Variants in NALF1 observed in about 807,000 individuals in gnomAD.
The protein encoded by NALF1 is NALCN channel auxiliary factor 1, also known as family with sequence similarity 155 member A.
In NALF1, 3 loss-of-function variants were observed where a neutral mutation model predicts 48.4. That is an observed-to-expected ratio of 0.06 (90% CI 0.03 to 0.16). The LOEUF is 0.16. Ranked by LOEUF, NALF1 falls within the 10% of genes least tolerant of loss-of-function variation. The pLI is 1.00. For missense variants in NALF1, 526 were observed against 571.5 expected (o/e 0.92, Z 0.81); for synonymous variants, 262 against 245.7 (o/e 1.07, Z -0.62).
chr13:107,558,015 G>A (rs987338597), intron 1 of NALF1, among the ~76,000 whole-genome samples: 2 of 152,070 alleles, frequency 1.3e-5, no homozygotes, highest in Non-Finnish European at 2.9e-5. Context: ...GGCATTCAGA[G>A]AGACTGAGCA....
intron 1 of NALF1, among the ~76,000 whole-genome samples, chr13:107,402,635 G>A (rs1293326406): frequency 1.3e-5 from 2 of 152,098 alleles, no homozygotes; most frequent in African/African-American, 4.8e-5. Context: ...GAGGTATTCT[G>A]CATCATTAAA....
chr13:107,365,882 C>T (rs918757734), intron 1 of NALF1, among the ~76,000 whole-genome samples: 78 of 152,320 alleles, frequency 5.1e-4, no homozygotes, highest in African/African-American at 1.8e-3. Flanking sequence ...CCACAGACTG[C>T]TTGCCTACAT....
At chr13:107,238,008 A>G (rs974424629) in intron 1 of NALF1, among the ~76,000 whole-genome samples, 7 of 152,184 alleles carry the variant, frequency 4.6e-5, no homozygotes, top group African/African-American at 1.4e-4. Context: ...AAAATCTCCC[A>G]TAAGGGACAC....
chr13:107,727,105 T>C (rs1876180084), intron 1 of NALF1, among the ~76,000 whole-genome samples: 2 of 151,970 alleles, frequency 1.3e-5, no homozygotes, highest in African/African-American at 2.4e-5. Context: ...CCTTCAATGA[T>C]ACAAGAGACT....
At chr13:107,710,641 C>A (rs1168638174) in intron 1 of NALF1, among the ~76,000 whole-genome samples, 1 of 149,368 alleles carries the variant, frequency 6.7e-6, no homozygotes, top group Non-Finnish European at 1.5e-5. Flanking sequence ...TGAGAACTCA[C>A]TATCGCAAGA....
At chr13:107,237,941 G>A (rs1880387649) in intron 1 of NALF1, among the ~76,000 whole-genome samples, 1 of 152,100 alleles carries the variant, frequency 6.6e-6, no homozygotes, top group African/African-American at 2.4e-5. Context: ...TACACATCCT[G>A]GAGCCATTAA....
rs80145465 is a variant in NALF1, at chr13:107,714,274, G to A, written c.915+151408C>T. ...ATGCTTAGAATTCACAAGCTGCAGC[G>A]CTGCTGTCCTTCAGATCACTTGTTG... On this transcript the variant is annotated intron_variant, in intron 1 of 2. Transcript: ENST00000375915. 5.1e-3 allele frequency among the ~76,000 whole-genome samples: 770 copies of A among 152,238 alleles called. 7 individuals carry two copies. The highest frequency in any genetic ancestry group is 0.017 in the African/African-American group (727 of 41,550).
chr13:107,229,499 T>C (rs2138823315), intron 1 of NALF1, among the ~76,000 whole-genome samples: 1 of 152,322 alleles, frequency 6.6e-6, no homozygotes, highest in Admixed American at 6.5e-5. Context: ...ACTGTTATTA[T>C]GCATCAGGGG....
chr13:107,209,244 G>A (rs552697609), intron 2 of NALF1, among the ~76,000 whole-genome samples: 2 of 152,290 alleles, frequency 1.3e-5, no homozygotes, highest in South Asian at 4.1e-4. Context: ...AGTGGCTCAC[G>A]CCTGTAATTC....
chr13:107,520,015 G>A (rs1876184716), intron 1 of NALF1, among the ~76,000 whole-genome samples: 1 of 152,138 alleles, frequency 6.6e-6, no homozygotes, highest in Non-Finnish European at 1.5e-5. Context: ...AATGAATGCT[G>A]TAAGGATTAA....
intron 1 of NALF1, among the ~76,000 whole-genome samples, chr13:107,372,339 A>G (rs919865630): frequency 1.3e-5 from 2 of 152,236 alleles, no homozygotes; most frequent in Non-Finnish European, 2.9e-5. Flanking sequence ...CCATGCCTCT[A>G]TTGCAACAAT....
intron 1 of NALF1, among the ~76,000 whole-genome samples, chr13:107,751,038 A>G (rs1876923935): frequency 6.6e-6 from 1 of 152,254 alleles, no homozygotes; most frequent in African/African-American, 2.4e-5. Flanking sequence ...ATCTCTTTCA[A>G]CTACAAAATG....
chr13:107,693,347 A>G (rs563926699), intron 1 of NALF1, among the ~76,000 whole-genome samples: 459 of 149,248 alleles, frequency 3.1e-3, no homozygotes, highest in African/African-American at 9.9e-3. Context: ...CGGGAGGGAT[A>G]GCATTAGGAG....
At chr13:107,540,735 C>T (rs1876975999) in intron 1 of NALF1, among the ~76,000 whole-genome samples, 1 of 152,076 alleles carries the variant, frequency 6.6e-6, no homozygotes, top group African/African-American at 2.4e-5. Flanking sequence ...TTCCAAACTC[C>T]TGCCAGCACA....
intron 1 of NALF1, among the ~76,000 whole-genome samples, chr13:107,796,826 T>C (rs1475708501): frequency 1.3e-5 from 2 of 152,172 alleles, no homozygotes; most frequent in Non-Finnish European, 2.9e-5. Context: ...ACGACACCCC[T>C]CTAATTACAG....
chr13:107,347,543 A>C (rs1882796796), intron 1 of NALF1, among the ~76,000 whole-genome samples: 1 of 152,224 alleles, frequency 6.6e-6, no homozygotes, highest in South Asian at 2.1e-4. Context: ...AGTCTATTTT[A>C]AAATTCCATC....
chr13:107,706,889 T>C (rs990253058), intron 1 of NALF1, among the ~76,000 whole-genome samples: 3 of 152,064 alleles, frequency 2.0e-5, no homozygotes, highest in Admixed American at 2.0e-4. Context: ...GAGAGGGTTA[T>C]GTCCGCCAGT....
intron 1 of NALF1, among the ~76,000 whole-genome samples, chr13:107,222,244 C>T (rs920952493): frequency 7.2e-5 from 11 of 152,194 alleles, no homozygotes; most frequent in African/African-American, 2.7e-4. Context: ...GACCTTCTTT[C>T]TCTCTGTGGC....
intron 1 of NALF1, among the ~76,000 whole-genome samples, chr13:107,470,579 A>G (rs889436076): frequency 6.6e-6 from 1 of 152,196 alleles, no homozygotes; most frequent in African/African-American, 2.4e-5. Context: ...ACACAAATAC[A>G]CATACATACA....
Sources: gnomAD v4.1 joint callset for allele counts (sites outside exome capture counted in the v4.1 genomes callset) on GRCh38, gnomAD v4.1.1 for gene constraint, MANE v1.5 for transcripts, NCBI Gene and HGNC (gene_info 2026-07-23, HGNC 2026-07-21) for gene names.